Variants in FHIT observed in about 807,000 individuals in gnomAD.
FHIT encodes fragile histidine triad diadenosine triphosphatase.
FHIT carries 19 observed loss-of-function variants against 17.9 expected under a neutral mutation model. That is an observed-to-expected ratio of 1.06 (90% CI 0.74 to 1.56). The LOEUF is 1.56. Among genes scored for constraint, FHIT ranks in the 40% most tolerant of loss-of-function variants. The pLI is 0.00. For missense variants in FHIT, 248 were observed against 189.2 expected (o/e 1.31, Z -1.82); for synonymous variants, 81 against 69.7 (o/e 1.16, Z -0.81).
intron 5 of FHIT, among the ~76,000 whole-genome samples, chr3:60,236,353 T>C (rs1221718788): frequency 6.6e-6 from 1 of 151,006 alleles, no homozygotes; most frequent in African/African-American, 2.4e-5. Context: ...CAGAAAATGT[T>C]GAATGAAAGA....
rs560872226 is a variant in FHIT, at chr3:60,376,761, C to G, written c.103+160099G>C. Among the ~76,000 whole-genome samples, 75 of 152,256 alleles carry G rather than the reference C, an allele frequency of 4.9e-4. 4 individuals carry two copies. In the South Asian group the frequency reaches 0.015, roughly 31 times the overall value. ...GTATTACCTTTTCCAGGGACAAATG[C>G]TCTATAATGTTATTCTCTGCCATCT... On this transcript the variant is annotated intron_variant, in intron 5 of 9. Coordinates refer to ENST00000492590, the MANE Select transcript of FHIT (RefSeq NM_002012.4).
intron 8 of FHIT, chr3:59,886,352 T>C (rs1237142302): frequency 1.3e-5 from 2 of 152,228 alleles, no homozygotes; most frequent in Non-Finnish European, 1.5e-5. Context: ...TACTAGACAC[T>C]GTGCAGGTAT....
intron 8 of FHIT, among the ~76,000 whole-genome samples, chr3:59,852,126 G>A (rs1701965682): frequency 1.3e-5 from 2 of 152,120 alleles, no homozygotes; most frequent in Admixed American, 6.5e-5. Flanking sequence ...TCCAGCATAT[G>A]GCTCTCCACC....
intron 8 of FHIT, among the ~76,000 whole-genome samples, chr3:59,776,928 T>C (rs1471516314): frequency 6.6e-6 from 1 of 152,184 alleles, no homozygotes; most frequent in Non-Finnish European, 1.5e-5. Context: ...ATTCTTAACC[T>C]ATAACTCCTG....
chr3:60,962,416 C>T (rs1269152508), intron 3 of FHIT, among the ~76,000 whole-genome samples: 4 of 152,196 alleles, frequency 2.6e-5, no homozygotes, highest in South Asian at 2.1e-4. Flanking sequence ...ATTCAATACA[C>T]TTTATTTCTT....
chr3:60,281,465 G>C (rs1054515239), intron 5 of FHIT, among the ~76,000 whole-genome samples: 2 of 152,064 alleles, frequency 1.3e-5, no homozygotes, highest in African/African-American at 4.8e-5. Flanking sequence ...AGACAGCATG[G>C]TACTGGTGAC....
At chr3:60,054,974 T>C (rs1260199185) in intron 5 of FHIT, among the ~76,000 whole-genome samples, 3 of 152,180 alleles carry the variant, frequency 2.0e-5, no homozygotes, top group Non-Finnish European at 2.9e-5. Context: ...AAACTCCCAC[T>C]GATCTGTGTG....
chr3:60,782,211 A>G (rs1369103260), intron 4 of FHIT, among the ~76,000 whole-genome samples: 1 of 134,712 alleles, frequency 7.4e-6, no homozygotes, highest in African/African-American at 3.0e-5. Context: ...AGGCTGAAGA[A>G]TATTTCATTG....
intron 3 of FHIT, among the ~76,000 whole-genome samples, chr3:61,033,473 C>G (rs1575876266): frequency 1.3e-5 from 2 of 152,206 alleles, no homozygotes; most frequent in East Asian, 3.9e-4. Flanking sequence ...AGGGAAAAAA[C>G]TAATATTTTT....
chr3:60,220,657 C>G (rs910700968), intron 5 of FHIT, among the ~76,000 whole-genome samples: 23 of 152,076 alleles, frequency 1.5e-4, no homozygotes, highest in African/African-American at 5.6e-4. Flanking sequence ...GTAGCAGACA[C>G]TGTGTTGATG....
At chr3:60,598,390 G>T (rs782375844) in intron 4 of FHIT, among the ~76,000 whole-genome samples, 1 of 152,068 alleles carries the variant, frequency 6.6e-6, no homozygotes, top group Non-Finnish European at 1.5e-5. Context: ...TTGCTCACAA[G>T]GAGTATTAAT....
intron 5 of FHIT, among the ~76,000 whole-genome samples, chr3:60,209,733 AC>A (rs1703363325): frequency 6.6e-6 from 1 of 152,190 alleles, no homozygotes; most frequent in African/African-American, 2.4e-5. Context: ...GTACATATAC[AC>A]CATGGAATAG....
chr3:61,210,605 C>G (rs1206091222), intron 1 of FHIT, among the ~76,000 whole-genome samples: 1 of 152,216 alleles, frequency 6.6e-6, no homozygotes, highest in Non-Finnish European at 1.5e-5. Flanking sequence ...CCCTCCGAGC[C>G]ATGTGCGGTA....
intron 5 of FHIT, among the ~76,000 whole-genome samples, chr3:60,069,296 T>C (rs1702657662): frequency 6.6e-6 from 1 of 152,200 alleles, no homozygotes; most frequent in Non-Finnish European, 1.5e-5. Flanking sequence ...GTGTATTAAG[T>C]GTATTATAAA....
At chr3:60,411,066 T>C (rs1312493854) in intron 5 of FHIT, among the ~76,000 whole-genome samples, 2 of 152,182 alleles carry the variant, frequency 1.3e-5, no homozygotes, top group African/African-American at 2.4e-5. Flanking sequence ...CCCTTATACC[T>C]ATATATCTAA....
At chr3:59,880,599 C>G (rs1703367866) in intron 8 of FHIT, among the ~76,000 whole-genome samples, 1 of 152,156 alleles carries the variant, frequency 6.6e-6, no homozygotes, top group African/African-American at 2.4e-5. Flanking sequence ...CTATGTGCCT[C>G]AGGTCCCTCA....
chr3:61,208,299 G>T (rs2039323610), intron 1 of FHIT, among the ~76,000 whole-genome samples: 1 of 152,064 alleles, frequency 6.6e-6, no homozygotes, highest in African/African-American at 2.4e-5. Context: ...CTGTTGATAT[G>T]GGGTGGAGAG....
intron 5 of FHIT, among the ~76,000 whole-genome samples, chr3:60,128,134 A>C (rs9833904): frequency 1.3e-5 from 2 of 152,108 alleles, no homozygotes; most frequent in Non-Finnish European, 2.9e-5. Context: ...CTAAAAGAAG[A>C]TAAGTTTTAC....
intron 4 of FHIT, among the ~76,000 whole-genome samples, chr3:60,796,920 G>C (rs1701000864): frequency 6.6e-6 from 1 of 152,134 alleles, no homozygotes; most frequent in South Asian, 2.1e-4. Flanking sequence ...ATTGTAATCA[G>C]GTAATGGGGA....
Sources: allele counts gnomAD v4.1 joint callset (sites outside exome capture counted in the v4.1 genomes callset), GRCh38; gene constraint gnomAD v4.1.1; transcripts MANE v1.5; gene names NCBI Gene and HGNC (gene_info 2026-07-23, HGNC 2026-07-21).